Variants in RAB33A observed in about 807,000 individuals in gnomAD.
RAB33A encodes ras-related protein Rab-33A.
RAB33A carries 6 observed loss-of-function variants against 12.0 expected under a neutral mutation model. The ratio of observed to expected loss-of-function variants is 0.50; its 90% CI spans 0.27 to 0.99. RAB33A has a LOEUF of 0.99. Ranked by LOEUF, RAB33A falls within the 50% of genes least tolerant of loss-of-function variation. RAB33A has a pLI of 0.11. For synonymous variants in RAB33A, 70 were observed against 82.4 expected (o/e 0.85, Z 0.81); for missense variants, 109 against 192.0 (o/e 0.57, Z 2.55).
chrX:130,173,418 C>T (rs1011866450), intron 1 of RAB33A, among the ~76,000 whole-genome samples: 6 of 111,867 alleles, frequency 5.4e-5, no homozygotes, highest in African/African-American at 2.0e-4. Context: ...GCTGGTCAAA[C>T]TGCCAAAGTG....
At chrX:130,147,828 G>A in the RAB33A span, 1 of 1,211,953 alleles carries the variant, frequency 8.3e-7, no homozygotes, top group Non-Finnish European at 1.1e-6. Flanking sequence ...TAGCAGGAAA[G>A]GAACATGACT....
At chrX:130,152,511 G>A in the RAB33A span, among the ~76,000 whole-genome samples, 1 of 112,094 alleles carries the variant, frequency 8.9e-6, no homozygotes, top group East Asian at 2.8e-4. Context: ...CTAAACAGAT[G>A]AATATGGTGG....
At chrX:130,118,540 T>G in the RAB33A span, among the ~76,000 whole-genome samples, 1 of 112,571 alleles carries the variant, frequency 8.9e-6, no homozygotes, top group African/African-American at 3.2e-5. Flanking sequence ...GGTTGAGGGT[T>G]GTTGTTGTTG....
the RAB33A span, chrX:130,139,931 C>T: frequency 1.0e-6 from 1 of 955,614 alleles, no homozygotes. Flanking sequence ...CCAAACAATA[C>T]TCCCTCCACC....
chrX:130,119,584 C>T, the RAB33A span, among the ~76,000 whole-genome samples: 1 of 110,840 alleles, frequency 9.0e-6, no homozygotes, highest in Admixed American at 9.6e-5. Context: ...GGAGGAGACA[C>T]CTTGGGGAGG....
chrX:130,180,230 G>A (rs1252947698), intron 1 of RAB33A, among the ~76,000 whole-genome samples: 4 of 111,842 alleles, frequency 3.6e-5, no homozygotes, highest in Non-Finnish European at 7.5e-5. Context: ...ACATACAGTA[G>A]AGGGCTGCAG....
At chrX:130,156,481 T>C in the RAB33A span, 1 of 1,211,879 alleles carries the variant, frequency 8.3e-7, no homozygotes, top group East Asian at 3.0e-5. Flanking sequence ...GCTCCTACTG[T>C]TGATAAGCCC....
At chrX:130,161,281 G>A in the RAB33A span, among the ~76,000 whole-genome samples, 1 of 110,326 alleles carries the variant, frequency 9.1e-6, no homozygotes, top group Admixed American at 9.7e-5. Flanking sequence ...GGGAGGCCGA[G>A]GTGGGCGGAT....
At chrX:130,126,257 G>A in the RAB33A span, among the ~76,000 whole-genome samples, 9 of 111,831 alleles carry the variant, frequency 8.0e-5, no homozygotes, top group Admixed American at 7.6e-4. Flanking sequence ...TTGGGAGGCC[G>A]AGGCAAGACA....
the RAB33A span, chrX:130,145,605 G>A: frequency 3.8e-6 from 4 of 1,049,473 alleles, no homozygotes; most frequent in Non-Finnish European, 5.3e-6. Flanking sequence ...TTATAAGCAT[G>A]TGGAACTGTT....
chrX:130,134,230 C>T, the RAB33A span, among the ~76,000 whole-genome samples: 2 of 108,080 alleles, frequency 1.9e-5, no homozygotes, highest in African/African-American at 6.8e-5. Context: ...GAGCGAGACA[C>T]CGCCTCAAAA....
At position 130,178,952 on chromosome X, in the gene RAB33A, A is replaced by AT. The variant is rs55677728; in HGVS notation, c.259-5317dup. On this transcript the variant is annotated intron_variant, in intron 1 of 1. Coordinates refer to ENST00000257017, the MANE Select transcript of RAB33A (RefSeq NM_004794.3). ...CAGGCGTGAGCCACCGCGCCCGGCG[A>AT]TTTTTTTTTTTTTTTTAATGAGATC... Among the ~76,000 whole-genome samples, 706 of 91,471 alleles carry AT rather than the reference A, an allele frequency of 7.7e-3. 1 individual carries two copies. The highest frequency in any genetic ancestry group is 0.024 in the Middle Eastern group (4 of 164). The allele number at this position is 91,471 out of a possible 115,157, so 79.4% of individuals were successfully genotyped here.
the RAB33A span, among the ~76,000 whole-genome samples, chrX:130,115,683 GGA>G: frequency 1.2e-4 from 10 of 83,121 alleles, 1 homozygote; most frequent in Admixed American, 4.0e-4. Flanking sequence ...GAGAGAGAGA[GGA>G]AGGAAGGAAG....
upstream of RAB33A, among the ~76,000 whole-genome samples, chrX:130,171,336 GGT>G (rs1410549507): frequency 8.9e-6 from 1 of 112,202 alleles, no homozygotes; most frequent in East Asian, 2.8e-4. Context: ...GAGGGGACGG[GGT>G]AGCGGGGACC....
chrX:130,139,877 A>C, the RAB33A span: 4 of 1,202,845 alleles, frequency 3.3e-6, no homozygotes, highest in East Asian at 5.9e-5. Flanking sequence ...ACCTCCTGGA[A>C]ATAAGAGAAG....
chrX:130,147,850 C>T, the RAB33A span: 5 of 1,210,166 alleles, frequency 4.1e-6, no homozygotes, highest in Admixed American at 4.4e-5. Context: ...GGCGCCTTGT[C>T]TTGAGGAACT....
chrX:130,139,295 G>A, the RAB33A span, among the ~76,000 whole-genome samples: 17 of 108,002 alleles, frequency 1.6e-4, no homozygotes, highest in Non-Finnish European at 2.7e-4. Flanking sequence ...TCGCACCACC[G>A]CACTCCAGCC....
chrX:130,138,575 T>C, the RAB33A span: 3 of 1,128,047 alleles, frequency 2.7e-6, no homozygotes, highest in Non-Finnish European at 3.7e-6. Flanking sequence ...AAAATCAAGG[T>C]CACTCCTCAA....
At chrX:130,146,319 C>T in the RAB33A span, among the ~76,000 whole-genome samples, 8 of 109,237 alleles carry the variant, frequency 7.3e-5, no homozygotes, top group Admixed American at 7.9e-4. Flanking sequence ...TGGTACGCAC[C>T]TGTAGTCCTA....
Sources: allele counts gnomAD v4.1 joint callset (sites outside exome capture counted in the v4.1 genomes callset), GRCh38; gene constraint gnomAD v4.1.1; transcripts MANE v1.5; gene names NCBI Gene and HGNC (gene_info 2026-07-23, HGNC 2026-07-21).